The following CUTC variants were observed in gnomAD, a reference collection of about 807,000 sequenced individuals.
CUTC encodes the protein cutC copper transporter.
In CUTC, 27 loss-of-function variants were observed where a neutral mutation model predicts 36.2. The observed-to-expected ratio is 0.75, with a 90% CI of 0.55 to 1.03. The LOEUF (loss-of-function observed/expected upper bound fraction) is 1.03, where lower values mean the gene tolerates loss of function less well. Among genes scored for constraint, CUTC ranks in the 50% least tolerant of loss-of-function variants. The pLI, the probability that CUTC is intolerant of heterozygous loss-of-function variation, is 0.00. For missense variants in CUTC, 315 were observed against 343.5 expected, an observed-to-expected ratio of 0.92 and a Z score of 0.66; for synonymous variants, 114 against 118.3, an observed-to-expected ratio of 0.96 and a Z score of 0.24.
Position 99,732,244 on chromosome 10 carries a change from CGCGCACGG to C in CUTC, c.-100_-93del. 4 of 1,523,856 alleles carry C rather than the reference CGCGCACGG, an allele frequency of 2.6e-6. No homozygotes were observed. The South Asian group carries it at 4.9e-5, about 19-fold the overall frequency. The allele number at this position is 1,523,856 out of a possible 1,614,324, so 94.4% of individuals were successfully genotyped here. A position where few individuals can be genotyped will look rare whatever the true frequency, so the allele number is the denominator to read the frequency against. On this transcript the variant is annotated 5_prime_UTR_variant, in exon 1 of 9. Coordinates refer to ENST00000370476, the MANE Select transcript of CUTC (RefSeq NM_015960.3). The stretch of plus-strand genomic sequence containing the variant: ...TGCTGGGGCGTAGGTGTCGGGGACG[CGCGCACGG>C]GCGCGCGCAGCTGTTGACGCGCTTC...
chr10:99,755,795 C>G lies in CUTC; in HGVS notation c.*56C>G. 1 of 1,146,196 alleles carries G rather than the reference C, an allele frequency of 8.7e-7. No individual in the cohort carries two copies. The highest frequency in any genetic ancestry group is 1.3e-6 in the Non-Finnish European group (1 of 763,510). 71.0% of individuals were successfully genotyped at this position (1,146,196 alleles called of 1,614,324 possible). ...AGGATGAAGGTAGAACTATAATCTG[C>G]AATTCTCTATGACACAGCTTTAACC... On this transcript the variant is annotated 3_prime_UTR_variant, in exon 9 of 9. Coordinates refer to ENST00000370476, the MANE Select transcript of CUTC (RefSeq NM_015960.3).
Position 99,732,308 on chromosome 10 carries a change from A to C in CUTC, c.-41A>C, listed in dbSNP as rs1266198314. 1.9e-6 allele frequency: 3 copies of C among 1,549,986 alleles called. No homozygotes were observed. Among genetic ancestry groups the C allele is most frequent in the Non-Finnish European group, 2.6e-6 (3 of 1,146,518 alleles). On this transcript the variant is annotated 5_prime_UTR_variant, in exon 1 of 9. Coordinates refer to ENST00000370476, the MANE Select transcript of CUTC (RefSeq NM_015960.3). Reference sequence around the variant, plus strand: ...TGGTGCGCGCCGGAGCCCAAATTCCAAGTGGAAACTGCAGGCGCACGAGGG... The same window carrying C: ...TGGTGCGCGCCGGAGCCCAAATTCCCAGTGGAAACTGCAGGCGCACGAGGG...
At chr10:99,740,904 T>G (rs1053854161) in intron 3 of CUTC, among the ~76,000 whole-genome samples, 2 of 152,232 alleles carry the variant, frequency 1.3e-5, no homozygotes, top group African/African-American at 4.8e-5. Flanking sequence ...TCTCATACAT[T>G]GTAGTCTTCA....
intron 2 of CUTC, among the ~76,000 whole-genome samples, chr10:99,738,102 G>A (rs796321356): frequency 1.3e-5 from 2 of 150,466 alleles, no homozygotes; most frequent in South Asian, 2.1e-4. Flanking sequence ...CCGAGATCAC[G>A]CCATTGCACT....
At chr10:99,734,162 C>G (rs1196892645) in intron 1 of CUTC, among the ~76,000 whole-genome samples, 4 of 150,822 alleles carry the variant, frequency 2.7e-5, no homozygotes, top group Non-Finnish European at 4.4e-5. Context: ...CTCCACCTCC[C>G]AGGTTCAAGC....
intron 2 of CUTC, among the ~76,000 whole-genome samples, chr10:99,737,332 A>T (rs144864298): frequency 1.3e-5 from 2 of 152,304 alleles, no homozygotes; most frequent in Non-Finnish European, 2.9e-5. Flanking sequence ...AAGTACTGAT[A>T]CATGCTATAA....
intron 1 of CUTC, among the ~76,000 whole-genome samples, chr10:99,735,450 C>T (rs1010501147): frequency 2.0e-5 from 3 of 152,172 alleles, no homozygotes; most frequent in African/African-American, 7.2e-5. Flanking sequence ...CTCTGTCACC[C>T]AGGCTGGAGT....
At chr10:99,745,862 C>CA (rs1281466686) in intron 5 of CUTC, among the ~76,000 whole-genome samples, 4 of 151,684 alleles carry the variant, frequency 2.6e-5, no homozygotes, top group Admixed American at 6.5e-5. Context: ...ATCTCACAAA[C>CA]AAAAAAAAGT....
At chr10:99,736,592 A>T (rs1469742097) in intron 2 of CUTC, among the ~76,000 whole-genome samples, 2 of 152,178 alleles carry the variant, frequency 1.3e-5, no homozygotes, top group Non-Finnish European at 2.9e-5. Context: ...TAAACCATTA[A>T]CTTAAAGATG....
intron 6 of CUTC, among the ~76,000 whole-genome samples, chr10:99,748,512 A>T (rs2133676581): frequency 6.6e-6 from 1 of 152,328 alleles, no homozygotes; most frequent in South Asian, 2.1e-4. Context: ...TGTGGGGGTA[A>T]CCAAGGGCTA....
chr10:99,743,001 C>A, intron 3 of CUTC, 152 bp from the exon 4 acceptor site: 1 of 665,856 alleles, frequency 1.5e-6, no homozygotes, highest in Non-Finnish European at 2.6e-6. Context: ...TCTATTTAAC[C>A]CTTTGCTATT....
Position 99,732,242 on chromosome 10 carries a change from CGCGCGCACGGGCGCGCGCAGCTGTTG to C in CUTC, c.-106_-81del, listed in dbSNP as rs2037195279. The C allele has an allele frequency of 6.6e-7, 1 of 1,526,148 alleles. No homozygotes were observed. Among genetic ancestry groups the C allele is most frequent in the South Asian group, 1.2e-5 (1 of 81,710 alleles). The allele number at this position is 1,526,148 out of a possible 1,614,324, so 94.5% of individuals were successfully genotyped here. ...GCTGCTGGGGCGTAGGTGTCGGGGA[CGCGCGCACGGGCGCGCGCAGCTGTTG>C]ACGCGCTTCTTAGCTGGTGCGCGCC... On this transcript the variant is annotated 5_prime_UTR_variant, in exon 1 of 9. Coordinates refer to ENST00000370476, the MANE Select transcript of CUTC (RefSeq NM_015960.3).
chr10:99,733,894 CCTTT>C, intron 1 of CUTC, among the ~76,000 whole-genome samples: 1 of 152,158 alleles, frequency 6.6e-6, no homozygotes. Flanking sequence ...TGCCTAGGGT[CCTTT>C]CTTGTGTGAG....
In CUTC at chr10:99,753,600, G is replaced by A. The variant is rs192816222; in HGVS notation, c.602-929G>A. 1.1e-4 allele frequency among the ~76,000 whole-genome samples: 17 copies of A among 152,168 alleles called. No individual in the cohort carries two copies. In the East Asian group the frequency reaches 3.3e-3, roughly 29 times the overall value. On this transcript the variant is annotated intron_variant, in intron 7 of 8. Transcript: ENST00000370476. ...AATTTTTGTATGTTTTTGTAGAGAC[G>A]GGGTTTCACCATGTTGCCCAGGCTG...
At chr10:99,742,072 C>T (rs2037345589) in intron 3 of CUTC, among the ~76,000 whole-genome samples, 1 of 152,196 alleles carries the variant, frequency 6.6e-6, no homozygotes. Context: ...GGCCTAGAAA[C>T]TCTCAAGGCA....
chr10:99,754,292 C>T (rs1420125825), intron 7 of CUTC, among the ~76,000 whole-genome samples: 1 of 152,130 alleles, frequency 6.6e-6, no homozygotes, highest in Non-Finnish European at 1.5e-5. Flanking sequence ...AGCCAATGGA[C>T]AGATAAGATT....
Position 99,739,778 on chromosome 10 carries a change from C to G in CUTC, c.193+9C>G, listed in dbSNP as rs200742740. The G allele has an allele frequency of 1.1e-5, 18 of 1,603,510 alleles. No individual in the cohort carries two copies. The highest frequency in any genetic ancestry group is 3.5e-5 in the Admixed American group (2 of 57,354). On this transcript the variant is annotated intron_variant, in intron 3 of 8. Coordinates refer to ENST00000370476, the MANE Select transcript of CUTC (RefSeq NM_015960.3). The stretch of plus-strand genomic sequence containing the variant: ...AACTACACCCAGCATGGGTAAGTGT[C>G]CATTTTTCCCAGGTTTTCTGATTGG...
Position 99,732,403 on chromosome 10 carries a change from AAGG to A in CUTC, c.56_58del (p.Lys19_Ala20delinsThr). The A allele has an allele frequency of 6.4e-7, 1 of 1,551,770 alleles. No individual in the cohort carries two copies. The highest frequency in any genetic ancestry group is 8.7e-7 in the Non-Finnish European group (1 of 1,147,596). On this transcript the variant is annotated inframe_deletion, in exon 1 of 9. Coordinates refer to ENST00000370476, the MANE Select transcript of CUTC (RefSeq NM_015960.3). ...AAAACGAGCGCGGATACCGTCCGGG[AAGG>A]CCGGTGCGGAAGGTGGCGGGGGAGG...
chr10:99,745,081 C>G (rs1455883613), intron 5 of CUTC, among the ~76,000 whole-genome samples: 1 of 152,188 alleles, frequency 6.6e-6, no homozygotes, highest in African/African-American at 2.4e-5. Context: ...TTTCTATACT[C>G]TTAGGCTACA....
Sources: gnomAD v4.1 joint callset for allele counts (sites outside exome capture counted in the v4.1 genomes callset) on GRCh38, gnomAD v4.1.1 for gene constraint, MANE v1.5 for transcripts, NCBI Gene and HGNC (gene_info 2026-07-23, HGNC 2026-07-21) for gene names.